The following PRRT3 variants were observed in gnomAD, a reference collection of about 807,000 sequenced individuals.
PRRT3 encodes proline rich transmembrane protein 3.
In PRRT3, 48 loss-of-function variants were observed where a neutral mutation model predicts 56.6. That is an observed-to-expected ratio of 0.85 (90% CI 0.67 to 1.08). PRRT3 has a LOEUF of 1.08. PRRT3 is among the 50% of genes least tolerant of loss of function. The pLI is 0.00. For missense variants in PRRT3, 1,370 were observed against 1,353.1 expected (o/e 1.01, Z -0.20); for synonymous variants, 641 against 619.1 (o/e 1.04, Z -0.52).
Position 9,947,104 on chromosome 3 carries a change from G to C in PRRT3, c.2069C>G (p.Ala690Gly). ...CACCGCGGCCAACGCCAGGGCGAGC[G>C]CCCATGTCAGCTCCAGGAGGCGCAG... ...FWLRLLELTW[A>G]LALALAAVAA... is the part of the protein sequence containing the mutation. The change falls in exon 4 of 4, where the codon GCG becomes GGG. Residue 690 changes from alanine (A) to glycine (G), a missense_variant. By Grantham distance (60) the Ala-to-Gly change is moderately conservative (BLOSUM62 0). Transcript: ENST00000412055. The surrounding 1 kb of genome is among the most constrained non-coding windows in gnomAD (Gnocchi z 9.2). The C allele has an allele frequency of 6.5e-7, 1 of 1,537,452 alleles. No homozygotes were observed. Among genetic ancestry groups the C allele is most frequent in the Non-Finnish European group, 8.7e-7 (1 of 1,147,054 alleles).
Position 9,949,255 on chromosome 3 carries a change from C to T in PRRT3, c.861G>A (p.Glu287=). The T allele has an allele frequency of 6.2e-7, 1 of 1,602,480 alleles. No homozygotes were observed. ...SLPPAEELPV[E]TPKRAGAEVS... Reference sequence around the variant, plus strand: ...CCTCAGCGCCAGCCCTCTTGGGGGTCTCAACCGGCAGCTCCTCAGCAGGAG... The same window carrying T: ...CCTCAGCGCCAGCCCTCTTGGGGGTTTCAACCGGCAGCTCCTCAGCAGGAG... Residue 287 remains glutamate, a synonymous_variant, in exon 2 of 4, where the codon GAG becomes GAA. Coordinates refer to ENST00000412055, the MANE Select transcript of PRRT3 (RefSeq NM_207351.5). This position sits in a 1 kb window ranked among gnomAD's most constrained non-coding sequence, Gnocchi z 4.5.
intron 1 of PRRT3, 23 bp from the exon 2 acceptor site, chr3:9,950,195 A>G: frequency 8.0e-7 from 1 of 1,250,938 alleles, no homozygotes; most frequent in East Asian, 2.9e-5. Flanking sequence ...CAGGGCATGG[A>G]ATGACATGTG....
intron 3 of PRRT3, 135 bp from the exon 4 acceptor site, chr3:9,948,136 G>A: frequency 2.2e-6 from 2 of 928,270 alleles, no homozygotes; most frequent in Non-Finnish European, 2.8e-6. Flanking sequence ...CTGCCTCATT[G>A]CGTTGTGAAG....
Position 9,949,946 on chromosome 3 carries a change from G to T in PRRT3, c.170C>A (p.Ala57Asp). The T allele has an allele frequency of 6.3e-7, 1 of 1,596,230 alleles. No individual in the cohort carries two copies. The highest frequency in any genetic ancestry group is 1.4e-5 in the African/African-American group (1 of 74,020). ...GGGGTTCTCCGGGAACACGTCAAAGGCCTGGGGCTCTGAGCCCACAGAGCC... is the reference window on the plus strand; with the variant it reads ...GGGGTTCTCCGGGAACACGTCAAAGTCCTGGGGCTCTGAGCCCACAGAGCC... ...PKGSVGSEPQ[A>D]FDVFPENPRA... is the part of the protein sequence containing the mutation. The change falls in exon 2 of 4, where the codon GCC (alanine) becomes GAC (aspartate). Residue 57 changes from alanine (A) to aspartate (D), a missense_variant. Ala to Asp is a moderately radical substitution (Grantham distance 126). Transcript: ENST00000412055. The surrounding 1 kb of genome is among the most constrained non-coding windows in gnomAD (Gnocchi z 4.5).
At position 9,948,587 on chromosome 3, in the gene PRRT3, G is replaced by T. The variant is rs886536709; in HGVS notation, c.1171+171C>A. 1.7e-5 allele frequency: 12 copies of T among 712,904 alleles called. No individual in the cohort carries two copies. In the Admixed American group the frequency reaches 3.0e-4, roughly 18 times the overall value. The allele number at this position is 712,904 out of a possible 1,614,324, so 44.2% of individuals were successfully genotyped here. A position where few individuals can be genotyped will look rare whatever the true frequency, so the allele number is the denominator to read the frequency against. ...CAAATGACTTCTCCCAGATTTCCCAGTGAGTATGAATTTATTATCCTAGGT... is the reference window on the plus strand; with the variant it reads ...CAAATGACTTCTCCCAGATTTCCCATTGAGTATGAATTTATTATCCTAGGT... On this transcript the variant is annotated intron_variant, in intron 3 of 3. Coordinates refer to ENST00000412055, the MANE Select transcript of PRRT3 (RefSeq NM_207351.5).
At position 9,946,277 on chromosome 3, in the gene PRRT3, C is replaced by A. The variant is rs968452753; in HGVS notation, c.2896G>T (p.Gly966Cys). The A allele has an allele frequency of 1.2e-6, 2 of 1,612,658 alleles. No individual in the cohort carries two copies. The highest frequency in any genetic ancestry group is 1.7e-6 in the Non-Finnish European group (2 of 1,179,836). Reference protein sequence around the residue: ...GDGQGEVQPRGKPGESRSASS... With the variant: ...GDGQGEVQPRCKPGESRSASS... Reference sequence around the variant, plus strand: ...GCGCTGCGGGATTCCCCAGGCTTGCCGCGCGGCTGGACCTCTCCCTGGCCG... The same window carrying A: ...GCGCTGCGGGATTCCCCAGGCTTGCAGCGCGGCTGGACCTCTCCCTGGCCG... The change falls in exon 4 of 4, where the codon GGC becomes TGC. Residue 966 changes from glycine to cysteine, a missense_variant. By Grantham distance (159) the Gly-to-Cys change is radical. Transcript: ENST00000412055. This position sits in a 1 kb window ranked among gnomAD's most constrained non-coding sequence, Gnocchi z 4.1.
rs766300050 is a variant in PRRT3 at position 9,949,203 on chromosome 3, G to C, written c.913C>G (p.Pro305Ala). The C allele has an allele frequency of 1.6e-5, 25 of 1,609,360 alleles. No individual in the cohort carries two copies. The highest frequency in any genetic ancestry group is 3.3e-4 in the Middle Eastern group (2 of 5,990). The change falls in exon 2 of 4, where the codon CCC (proline) becomes GCC (alanine). Residue 305 changes from proline to alanine, a missense_variant. Physicochemically the swap from Pro to Ala is conservative, Grantham distance 27. Coordinates refer to ENST00000412055, the MANE Select transcript of PRRT3 (RefSeq NM_207351.5). This position sits in a 1 kb window ranked among gnomAD's most constrained non-coding sequence, Gnocchi z 4.5. ...EVSWEVSSPGPPPKQADLPDA... is the reference protein window; with the variant it reads ...EVSWEVSSPGAPPKQADLPDA... The stretch of plus-strand genomic sequence containing the variant: ...GGAAGGTCAGCCTGCTTGGGCGGGG[G>C]ACCTGGGGAGCTGACTTCCCAGGAC...
At position 9,946,477 on chromosome 3, in the gene PRRT3, G is replaced by T; in HGVS notation, c.2696C>A (p.Ala899Asp). ...VEAPDGAAAA[A>D]SGSSLDSFSR... ...GAAGCTGTCGAGGGAGCTGCCAGAA[G>T]CCGCAGCGGCTGCCCCGTCGGGTGC... The change falls in exon 4 of 4, where the codon GCT becomes GAT. Residue 899 changes from alanine (A) to aspartate (D), a missense_variant. Physicochemically the swap from Ala to Asp is moderately radical, Grantham distance 126. Transcript: ENST00000412055. The surrounding 1 kb of genome is among the most constrained non-coding windows in gnomAD (Gnocchi z 4.1). 1 of 1,557,520 alleles carries T rather than the reference G, an allele frequency of 6.4e-7. No individual in the cohort carries two copies. Among genetic ancestry groups the T allele is most frequent in the Non-Finnish European group, 8.7e-7 (1 of 1,151,568 alleles).
At position 9,945,713 on chromosome 3, in the gene PRRT3, TG is replaced by T. The variant is rs2085500665; in HGVS notation, c.*513del. 6.6e-6 allele frequency: 1 copy of T among 151,588 alleles called. No individual in the cohort carries two copies. Among genetic ancestry groups the T allele is most frequent in the East Asian group, 2.0e-4 (1 of 5,066 alleles). The allele number at this position is 151,588 out of a possible 1,614,324, so 9.4% of individuals were successfully genotyped here. On this transcript the variant is annotated 3_prime_UTR_variant, in exon 4 of 4. Transcript: ENST00000412055. ...CACGGCCTCTGTGCAAAATGCCGGC[TG>T]AAAAAAAAATAGAAATATTAAAAGC...
At position 9,950,068 on chromosome 3, in the gene PRRT3, C is replaced by A. The variant is rs1339417179; in HGVS notation, c.48G>T (p.Leu16=). 2 of 1,508,900 alleles carry A rather than the reference C, an allele frequency of 1.3e-6. No homozygotes were observed. Among genetic ancestry groups the A allele is most frequent in the South Asian group, 1.4e-5 (1 of 71,148 alleles). The allele number at this position is 1,508,900 out of a possible 1,614,324, so 93.5% of individuals were successfully genotyped here. The change falls in exon 2 of 4, where the codon CTG becomes CTT. Residue 16 remains leucine (L), a synonymous_variant. Coordinates refer to ENST00000412055, the MANE Select transcript of PRRT3 (RefSeq NM_207351.5). ...CAGGGCCAGTCCCCAGGAGTGGCAG[C>A]AGCAACAGCAGAAGGCCACATACAC... ...WGCVCGLLLL[L]LPLLGTGPAL... is the part of the protein sequence containing the mutation.
chr3:9,946,720 G>A lies in PRRT3; in HGVS notation c.2453C>T (p.Ala818Val). The A allele has an allele frequency of 6.7e-7, 1 of 1,490,956 alleles. No individual in the cohort carries two copies. The highest frequency in any genetic ancestry group is 1.3e-5 in the South Asian group (1 of 74,086). The allele number at this position is 1,490,956 out of a possible 1,614,324, so 92.4% of individuals were successfully genotyped here. Residue 818 changes from alanine to valine, a missense_variant, in exon 4 of 4, where the codon GCC becomes GTC. Coordinates refer to ENST00000412055, the MANE Select transcript of PRRT3 (RefSeq NM_207351.5). This position sits in a 1 kb window ranked among gnomAD's most constrained non-coding sequence, Gnocchi z 4.1. ...SPINLSRSID[A>V]ALFREHLVRD... ...CACTAGGTGCTCGCGGAAGAGCGCG[G>A]CGTCGATGCTGCGGCTCAGGTTGAT...
chr3:9,950,241 G>C, intron 1 of PRRT3, 69 bp from the exon 2 acceptor site: 1 of 649,556 alleles, frequency 1.5e-6, no homozygotes. Flanking sequence ...TCAAGGGGCT[G>C]ACAGGAAAGA....
chr3:9,946,102 C>G lies in PRRT3; in HGVS notation c.*125G>C. 1.4e-6 allele frequency: 2 copies of G among 1,404,492 alleles called. No individual in the cohort carries two copies. The highest frequency in any genetic ancestry group is 9.4e-7 in the Non-Finnish European group (1 of 1,065,716). 87.0% of individuals were successfully genotyped at this position (1,404,492 alleles called of 1,614,324 possible). On this transcript the variant is annotated 3_prime_UTR_variant, in exon 4 of 4. Coordinates refer to ENST00000412055, the MANE Select transcript of PRRT3 (RefSeq NM_207351.5). The surrounding 1 kb of genome is among the most constrained non-coding windows in gnomAD (Gnocchi z 4.1). ...CCACCCACCTCGGCCTCCCAAAGTG[C>G]TGGGATTCCTGGCGTGAGCCACCGC...
Position 9,946,910 on chromosome 3 carries a change from T to G in PRRT3, c.2263A>C (p.Ile755Leu), listed in dbSNP as rs1486252651. ...AGSLDISKSL[I>L]RNPAESGQLA... ...TGCCCACTCTCCGCCGGGTTGCGGA[T>G]GAGGCTCTTGCTGATGTCCAAGCTG... Residue 755 changes from isoleucine (I) to leucine (L), a missense_variant, in exon 4 of 4, where the codon ATC (isoleucine) becomes CTC (leucine). Ile to Leu is a conservative substitution (Grantham distance 5). Coordinates refer to ENST00000412055, the MANE Select transcript of PRRT3 (RefSeq NM_207351.5). The surrounding 1 kb of genome is among the most constrained non-coding windows in gnomAD (Gnocchi z 4.1). 1.9e-6 allele frequency: 3 copies of G among 1,539,450 alleles called. No individual in the cohort carries two copies. The highest frequency in any genetic ancestry group is 2.6e-6 in the Non-Finnish European group (3 of 1,148,250).
chr3:9,947,768 A>G lies in PRRT3; in HGVS notation c.1405T>C (p.Phe469Leu). 1 of 1,490,892 alleles carries G rather than the reference A, an allele frequency of 6.7e-7. No homozygotes were observed. Among genetic ancestry groups the G allele is most frequent in the East Asian group, 2.4e-5 (1 of 41,800 alleles). The allele number at this position is 1,490,892 out of a possible 1,614,324, so 92.4% of individuals were successfully genotyped here. ...CCGTAGACGTGCAGCTCCCAGGAGA[A>G]GCTCAGGACCCGCCGAAGGGGGCCC... is the stretch of plus-strand genomic sequence containing the variant. ...RWGPLRRVLS[F>L]SWELHVYGVG... is the part of the protein sequence containing the mutation. Residue 469 changes from phenylalanine to leucine, a missense_variant, in exon 4 of 4, where the codon TTC becomes CTC. By Grantham distance (22) the Phe-to-Leu change is conservative. Transcript: ENST00000412055. This position sits in a 1 kb window ranked among gnomAD's most constrained non-coding sequence, Gnocchi z 9.2.
At chr3:9,950,729 C>G (rs2085608804) in intron 1 of PRRT3, among the ~76,000 whole-genome samples, 1 of 152,210 alleles carries the variant, frequency 6.6e-6, no homozygotes, top group Non-Finnish European at 1.5e-5. Flanking sequence ...TCTTGAACTC[C>G]TGACCTCAGG....
chr3:9,951,970 A>T (rs2085625964), intron 1 of PRRT3, among the ~76,000 whole-genome samples: 1 of 152,138 alleles, frequency 6.6e-6, no homozygotes, highest in African/African-American at 2.4e-5. Flanking sequence ...AACCCAAGAG[A>T]TGTGGGCACC....
At chr3:9,948,530 T>G in intron 3 of PRRT3, 1 of 564,098 alleles carries the variant, frequency 1.8e-6, no homozygotes, top group Non-Finnish European at 3.1e-6. Flanking sequence ...CATATCCATG[T>G]TACATATTAG....
At position 9,947,700 on chromosome 3, in the gene PRRT3, A is replaced by C; in HGVS notation, c.1473T>G (p.Ala491=). The C allele has an allele frequency of 6.4e-7, 1 of 1,568,444 alleles. No individual in the cohort carries two copies. The highest frequency in any genetic ancestry group is 8.6e-7 in the Non-Finnish European group (1 of 1,160,612). The change falls in exon 4 of 4, where the codon GCT becomes GCG. Residue 491 remains alanine (A), a synonymous_variant. Transcript: ENST00000412055. The surrounding 1 kb of genome is among the most constrained non-coding windows in gnomAD (Gnocchi z 9.2). ...GCCCTGCTGGGGCGGCTGCCAGCGC[A>C]GCCAGCGCCAACAACGCGGGCAGCA... is the stretch of plus-strand genomic sequence containing the variant. ...LFLLPALLAL[A]ALAAAPAGPR...
Sources: allele counts gnomAD v4.1 joint callset (sites outside exome capture counted in the v4.1 genomes callset), GRCh38; gene constraint gnomAD v4.1.1; non-coding constraint Gnocchi (gnomAD v3.1); transcripts MANE v1.5; gene names NCBI Gene and HGNC (gene_info 2026-07-23, HGNC 2026-07-21).